PHF21A: variants seen among roughly 807,000 people sequenced by gnomAD.
PHF21A encodes BHC80a.
In PHF21A, 11 loss-of-function variants were observed where a neutral mutation model predicts 82.5. The observed-to-expected ratio is 0.13, with a 90% CI of 0.08 to 0.22. The LOEUF (loss-of-function observed/expected upper bound fraction) is 0.22, where lower values mean the gene tolerates loss of function less well. PHF21A is among the 10% of genes least tolerant of loss of function. The pLI, the probability that PHF21A is intolerant of heterozygous loss-of-function variation, is 1.00. For missense variants in PHF21A, 579 were observed against 837.8 expected (o/e 0.69, Z 3.81); for synonymous variants, 297 against 302.8 (o/e 0.98, Z 0.20).
intron 9 of PHF21A, among the ~76,000 whole-genome samples, chr11:45,967,884 G>A (rs181222709): frequency 1.3e-5 from 2 of 152,122 alleles, no homozygotes; most frequent in Admixed American, 1.3e-4. Flanking sequence ...TTCTGAAATA[G>A]AGAACACAGT....
chr11:45,941,645 G>A (rs1299867350), intron 15 of PHF21A, among the ~76,000 whole-genome samples: 1 of 152,148 alleles, frequency 6.6e-6, no homozygotes, highest in Non-Finnish European at 1.5e-5. Context: ...TACAGAACCG[G>A]CTCTTTGCCT....
chr11:46,015,966 T>A (rs2095509874), intron 6 of PHF21A, among the ~76,000 whole-genome samples: 1 of 152,138 alleles, frequency 6.6e-6, no homozygotes, highest in Admixed American at 6.5e-5. Flanking sequence ...AAAGTAGTGA[T>A]AAAAAGTAAA....
intron 6 of PHF21A, among the ~76,000 whole-genome samples, chr11:45,982,080 C>T (rs566389011): frequency 4.0e-5 from 6 of 151,588 alleles, no homozygotes; most frequent in Middle Eastern, 3.4e-3. Context: ...CCTCAACCTA[C>T]CAAGTAGCTG....
chr11:45,970,165 C>T (rs918751922), intron 8 of PHF21A: 2 of 372,176 alleles, frequency 5.4e-6, no homozygotes, highest in African/African-American at 2.1e-5. Context: ...AAATCTTAGA[C>T]AATTTTCTTT....
At chr11:45,962,424 T>C (rs530753109) in intron 10 of PHF21A, among the ~76,000 whole-genome samples, 29 of 152,098 alleles carry the variant, frequency 1.9e-4, no homozygotes, top group African/African-American at 7.0e-4. Context: ...GGAAATGAAA[T>C]ATAAATAGAA....
At chr11:46,076,644 C>A in intron 6 of PHF21A, 110 bp downstream of exon 6, 1 of 813,068 alleles carries the variant, frequency 1.2e-6, no homozygotes, top group Non-Finnish European at 2.0e-6. Context: ...TCTGGCTGCC[C>A]ACACTTATTT....
intron 7 of PHF21A, among the ~76,000 whole-genome samples, chr11:45,978,777 C>A (rs571869854): frequency 6.6e-6 from 1 of 152,138 alleles, no homozygotes; most frequent in African/African-American, 2.4e-5. Flanking sequence ...TTTCCAAATA[C>A]GCCCTTTTTG....
intron 1 of PHF21A, among the ~76,000 whole-genome samples, chr11:46,115,971 C>G (rs2136133920): frequency 6.6e-6 from 1 of 152,210 alleles, no homozygotes; most frequent in East Asian, 1.9e-4. Flanking sequence ...GTTTTTCTCA[C>G]CGTTCACAGA....
intron 6 of PHF21A, among the ~76,000 whole-genome samples, chr11:46,056,267 A>G (rs2096455667): frequency 6.6e-6 from 1 of 152,126 alleles, no homozygotes; most frequent in African/African-American, 2.4e-5. Context: ...AATAATTCCA[A>G]TCTTACCCCA....
intron 6 of PHF21A, among the ~76,000 whole-genome samples, chr11:46,019,207 T>G (rs2095581120): frequency 6.6e-6 from 1 of 152,194 alleles, no homozygotes; most frequent in Admixed American, 6.5e-5. Context: ...AAGAAGAAAC[T>G]GCTTTTTAAT....
rs574773457 is a variant in PHF21A at position 46,002,865 on chromosome 11, C to CA, written c.154-22900dup. The stretch of plus-strand genomic sequence containing the variant: ...AAAAAGTCTCTAGAACAAAGCAAAA[C>CA]AAAAAAACACCCAATGTATTTAACA... On this transcript the variant is annotated intron_variant, in intron 6 of 18. Coordinates refer to ENST00000676320, the MANE Select transcript of PHF21A (RefSeq NM_001352027.3). Among the ~76,000 whole-genome samples, 20 of 151,792 alleles carry CA rather than the reference C, an allele frequency of 1.3e-4. No homozygotes were observed. In the East Asian group the frequency reaches 3.7e-3, roughly 28 times the overall value.
chr11:46,113,601 G>A (rs1322370953), intron 1 of PHF21A, among the ~76,000 whole-genome samples: 5 of 152,064 alleles, frequency 3.3e-5, no homozygotes, highest in Admixed American at 2.0e-4. Flanking sequence ...AGGCTGAGGC[G>A]GGTGAATTAC....
At chr11:46,071,647 C>T (rs538946850) in intron 6 of PHF21A, among the ~76,000 whole-genome samples, 2 of 151,984 alleles carry the variant, frequency 1.3e-5, no homozygotes, top group East Asian at 3.9e-4. Context: ...AGTCATCACA[C>T]ATCTAGGAAT....
intron 4 of PHF21A, among the ~76,000 whole-genome samples, chr11:46,082,202 C>T (rs1240385298): frequency 6.6e-6 from 1 of 152,180 alleles, no homozygotes; most frequent in African/African-American, 2.4e-5. Context: ...TTTCACTCCA[C>T]AATACCAGAT....
intron 3 of PHF21A, among the ~76,000 whole-genome samples, chr11:46,089,666 T>C (rs184707264): frequency 4.9e-4 from 74 of 152,204 alleles, no homozygotes; most frequent in African/African-American, 1.6e-3. Context: ...TGGATGTTTC[T>C]ATACTATTAA....
intron 6 of PHF21A, among the ~76,000 whole-genome samples, chr11:46,055,613 T>C (rs2096442191): frequency 6.6e-6 from 1 of 152,166 alleles, no homozygotes; most frequent in Non-Finnish European, 1.5e-5. Context: ...GTAGGTCATC[T>C]GAACTGAGAT....
At chr11:46,084,646 T>C (rs1459910037) in intron 3 of PHF21A, among the ~76,000 whole-genome samples, 1 of 151,798 alleles carries the variant, frequency 6.6e-6, no homozygotes, top group Admixed American at 6.6e-5. Flanking sequence ...GGACACACTG[T>C]CCTCAGAAAG....
chr11:45,971,890 C>CTTTCTTTCTTTTTTTTTTTTTTT (rs57081937), intron 7 of PHF21A, among the ~76,000 whole-genome samples: 3 of 50,294 alleles, frequency 6.0e-5, no homozygotes, highest in Non-Finnish European at 1.2e-4. Context: ...CTTTTTCTTT[C>CTTTCTTTCTTTTTTTTTTTTTTT]TTTTTTTTTT....
At chr11:45,958,437 T>C (rs2092842727) in intron 10 of PHF21A, among the ~76,000 whole-genome samples, 1 of 30,482 alleles carries the variant, frequency 3.3e-5, no homozygotes, top group African/African-American at 9.1e-5. Context: ...TATATATATA[T>C]ATATATATAT....
Sources: gnomAD v4.1 joint callset for allele counts (sites outside exome capture counted in the v4.1 genomes callset) on GRCh38, gnomAD v4.1.1 for gene constraint, MANE v1.5 for transcripts, NCBI Gene and HGNC (gene_info 2026-07-23, HGNC 2026-07-21) for gene names.